The following OPLAH variants were observed in gnomAD, a reference collection of about 807,000 sequenced individuals.
The protein encoded by OPLAH is 5-oxoprolinase.
OPLAH carries 103 observed loss-of-function variants against 122.8 expected under a neutral mutation model. That is an observed-to-expected ratio of 0.84 (90% confidence interval 0.71 to 0.99). The LOEUF is 0.99. Ranked by LOEUF, OPLAH falls within the 50% of genes least tolerant of loss-of-function variation. OPLAH has a pLI of 0.00. For synonymous variants in OPLAH, 875 were observed against 796.0 expected (o/e 1.10, Z -1.67); for missense variants, 1,902 against 1,836.5 (o/e 1.04, Z -0.65).
Position 144,052,800 on chromosome 8 carries a change from C to T in OPLAH, c.3119G>A (p.Arg1040His), listed in dbSNP as rs868906528. ...VTLSALIYCL[R>H]CLVGRDIPLN... Reference sequence around the variant, plus strand: ...TGGGATGTCGCGGCCCACCAGACAGCGCAGGCAGTAGATGAGGGCGGACAG... The same window carrying T: ...TGGGATGTCGCGGCCCACCAGACAGTGCAGGCAGTAGATGAGGGCGGACAG... The change falls in exon 22 of 27, where the codon CGC becomes CAC. Residue 1040 changes from arginine to histidine, a missense_variant. Transcript: ENST00000618853. 2 of 1,563,422 alleles carry T rather than the reference C, an allele frequency of 1.3e-6. No individual in the cohort carries two copies. Among genetic ancestry groups the T allele is most frequent in the Non-Finnish European group, 1.7e-6 (2 of 1,154,990 alleles).
chr8:144,056,193 A>G lies in OPLAH; in HGVS notation c.2050T>C (p.Tyr684His). 1 of 1,612,100 alleles carries G rather than the reference A, an allele frequency of 6.2e-7. No homozygotes were observed. Among genetic ancestry groups the G allele is most frequent in the South Asian group, 1.1e-5 (1 of 91,080 alleles). ...CAGGGCCCATGGAGCTTGTGCCCAT[A>G]GCCCAGCTCTGCCAGCAGGTACACA... ...TPVYLLAELG[Y>H]GHKLHGPCLI... is the part of the protein sequence containing the mutation. The change falls in exon 15 of 27, where the codon TAT becomes CAT. Residue 684 changes from tyrosine (Y) to histidine (H), a missense_variant. Transcript: ENST00000618853.
chr8:144,060,173 G>A, intron 1 of OPLAH, 88 bp from the exon 2 acceptor site: 3 of 941,932 alleles, frequency 3.2e-6, no homozygotes, highest in Admixed American at 5.6e-5. Flanking sequence ...TCCTGAGGGA[G>A]AGACCCACGG....
chr8:144,063,365 C>T (rs1835693630), upstream of OPLAH, among the ~76,000 whole-genome samples: 1 of 152,236 alleles, frequency 6.6e-6, no homozygotes, highest in South Asian at 2.1e-4. This position sits in a 1 kb window ranked among gnomAD's most constrained non-coding sequence, Gnocchi z 4.2. Context: ...CATCACGTTC[C>T]CCCAGGGATA....
In OPLAH at chr8:144,058,598, G is replaced by T; in HGVS notation, c.681C>A (p.Arg227=). 1.2e-6 allele frequency: 2 copies of T among 1,603,292 alleles called. No individual in the cohort carries two copies. The highest frequency in any genetic ancestry group is 1.7e-6 in the Non-Finnish European group (2 of 1,179,434). ...SLSSEAMPMV[R]IVPRGHTACA... ...AGGCCGTGTGCCCCCGAGGGACGAT[G>T]CGCACCATGGGCATGGCCTCCGAGG... is the stretch of plus-strand genomic sequence containing the variant. The change falls in exon 6 of 27, where the codon CGC becomes CGA. Residue 227 remains arginine, a synonymous_variant. Transcript: ENST00000618853.
At position 144,057,521 on chromosome 8, in the gene OPLAH, A is replaced by C. The variant is rs1554759605; in HGVS notation, c.1349T>G (p.Leu450Arg). 1 of 1,599,492 alleles carries C rather than the reference A, an allele frequency of 6.3e-7. No individual in the cohort carries two copies. Among genetic ancestry groups the C allele is most frequent in the South Asian group, 1.1e-5 (1 of 89,142 alleles). Residue 450 changes from leucine to arginine, a missense_variant, in exon 10 of 27, where the codon CTG (leucine) becomes CGG (arginine). Physicochemically the swap from Leu to Arg is moderately radical, Grantham distance 102. This residue lies in a region of OPLAH where 1,726 missense variants were observed against 1,642.1 expected (regional missense o/e 1.05). Coordinates refer to ENST00000618853, the MANE Select transcript of OPLAH (RefSeq NM_017570.5). ...NGPCPASPLS[L>R]EEVAMGFVRV... ...CACGAACCCCATGGCCACCTCCTCC[A>C]GGCTCAGCGGGGAGGCCGGGCAGGG... is the stretch of plus-strand genomic sequence containing the variant.
intron 24 of OPLAH, 37 bp from the exon 25 acceptor site, chr8:144,052,113 GCC>G: frequency 6.4e-7 from 1 of 1,553,604 alleles, no homozygotes; most frequent in Non-Finnish European, 8.7e-7. Context: ...ACTCAGCGTG[GCC>G]CGAGCCCCGG....
chr8:144,055,081 G>A lies in OPLAH; in HGVS notation c.2357C>T (p.Ala786Val), dbSNP rs1554758667. The A allele has an allele frequency of 2.6e-6, 4 of 1,564,614 alleles. No homozygotes were observed. Among genetic ancestry groups the A allele is most frequent in the African/African-American group, 1.4e-5 (1 of 73,624 alleles). The change falls in exon 17 of 27, where the codon GCC (alanine) becomes GTC (valine). Residue 786 changes from alanine to valine, a missense_variant. Coordinates refer to ENST00000618853, the MANE Select transcript of OPLAH (RefSeq NM_017570.5). The surrounding 1 kb of genome is among the most constrained non-coding windows in gnomAD (Gnocchi z 6.5). ...ACCCAGGTGCACAGGGATGTGGGGGGCATTGGACACCAGCCCCCCATCGGG... is the reference window on the plus strand; with the variant it reads ...ACCCAGGTGCACAGGGATGTGGGGGACATTGGACACCAGCCCCCCATCGGG... Reference protein sequence around the residue: ...FGPDGGLVSNAPHIPVHLGAM... With the variant: ...FGPDGGLVSNVPHIPVHLGAM...
At chr8:144,054,760 G>C in intron 18 of OPLAH, 25 bp from the exon 19 acceptor site, 1 of 1,612,072 alleles carries the variant, frequency 6.2e-7, no homozygotes, top group Non-Finnish European at 8.5e-7. Context: ...GCCACGGTCA[G>C]CTGCATCGGC....
At chr8:144,060,741 A>G (rs1278808134), upstream of OPLAH, 1 of 151,958 alleles carries the variant, frequency 6.6e-6, no homozygotes. Context: ...CTCGGGGAGG[A>G]GCCTACAGGG....
Position 144,052,905 on chromosome 8 carries a change from G to C in OPLAH, c.3019-5C>G. 3 of 1,558,576 alleles carry C rather than the reference G, an allele frequency of 1.9e-6. No individual in the cohort carries two copies. Among genetic ancestry groups the C allele is most frequent in the South Asian group, 2.4e-5 (2 of 84,778 alleles). On this transcript the variant is annotated splice_region_variant and splice_polypyrimidine_tract_variant and intron_variant, in intron 21 of 26. Coordinates refer to ENST00000618853, the MANE Select transcript of OPLAH (RefSeq NM_017570.5). ...GAAGTCAAACACGGCGCTGCCCTGC[G>C]CGCCCCGAGGGAAGGGAGAGGCTGT...
At position 144,056,668 on chromosome 8, in the gene OPLAH, G is replaced by A; in HGVS notation, c.1794C>T (p.Ala598=). 6.2e-7 allele frequency: 1 copy of A among 1,611,902 alleles called. No individual in the cohort carries two copies. Residue 598 remains alanine (A), a synonymous_variant, in exon 13 of 27, where the codon GCC becomes GCT. Coordinates refer to ENST00000618853, the MANE Select transcript of OPLAH (RefSeq NM_017570.5). ...ALMVSAHQHP[A]TARSPRAGDF... The stretch of plus-strand genomic sequence containing the variant: ...CCCCCGCACGGGGCGAGCGGGCTGT[G>A]GCTGGGTGCTGGTGGGCAGACACCA...
chr8:144,055,996 G>C lies in OPLAH; in HGVS notation c.2097-57C>G. 1 of 1,500,784 alleles carries C rather than the reference G, an allele frequency of 6.7e-7. No individual in the cohort carries two copies. The highest frequency in any genetic ancestry group is 8.9e-7 in the Non-Finnish European group (1 of 1,120,474). 93.0% of individuals were successfully genotyped at this position (1,500,784 alleles called of 1,614,324 possible). A position where few individuals can be genotyped will look rare whatever the true frequency, so the allele number is the denominator to read the frequency against. On this transcript the variant is annotated intron_variant, in intron 15 of 26. Coordinates refer to ENST00000618853, the MANE Select transcript of OPLAH (RefSeq NM_017570.5). The surrounding 1 kb of genome is among the most constrained non-coding windows in gnomAD (Gnocchi z 6.5). ...GGGCCAGGCGACACCCCTCCAACCA[G>C]AGATGCCACGGCCCCAGGCCAGGGG...
At position 144,057,467 on chromosome 8, in the gene OPLAH, G is replaced by A. The variant is rs782688255; in HGVS notation, c.1403C>T (p.Pro468Leu). 1 of 1,589,932 alleles carries A rather than the reference G, an allele frequency of 6.3e-7. No individual in the cohort carries two copies. The highest frequency in any genetic ancestry group is 1.8e-5 in the Admixed American group (1 of 55,926). Residue 468 changes from proline (P) to leucine (L), a missense_variant, in exon 10 of 27, where the codon CCC becomes CTC. This residue lies in a region of OPLAH where 1,726 missense variants were observed against 1,642.1 expected (regional missense o/e 1.05). Coordinates refer to ENST00000618853, the MANE Select transcript of OPLAH (RefSeq NM_017570.5). ...VRVANEAMCR[P>L]IRALTQARGH... ...ACGTACCTGCGTGAGTGCACGGATG[G>A]GCCGGCACATGGCCTCGTTGGCCAC...
chr8:144,053,329 G>A lies in OPLAH; in HGVS notation c.2751C>T (p.His917=), dbSNP rs372985158. The A allele has an allele frequency of 7.4e-6, 12 of 1,612,882 alleles. 1 individual carries two copies. The Middle Eastern group carries it at 1.3e-3, about 177-fold the overall frequency. Residue 917 remains histidine (H), a synonymous_variant, in exon 20 of 27, where the codon CAC becomes CAT. Transcript: ENST00000618853. ...VPNCSGTRNL[H]DNLSDLRAQV... is the part of the protein sequence containing the mutation. ...GGGCACGGAGGTCCGACAGGTTGTC[G>A]TGCAGGTTTCTGGTTCCGCTGCAGT...
rs782705881 is a variant in OPLAH, at chr8:144,058,895, G to A, written c.465C>T (p.Gly155=). 1.9e-6 allele frequency: 3 copies of A among 1,549,150 alleles called. No individual in the cohort carries two copies. The highest frequency in any genetic ancestry group is 2.6e-6 in the Non-Finnish European group (3 of 1,145,810). The change falls in exon 5 of 27, where the codon GGC becomes GGT. Residue 155 remains glycine (G), a splice_region_variant and synonymous_variant. Transcript: ENST00000618853. The part of the protein sequence containing the change: ...GEAGTGTPVK[G]RTGDLLEVQQ... ...GCACTTCCAGCAGGTCCCCCGTGCGGCCTTCCAGAAAAGCCCAGGAGGCCC... is the reference window on the plus strand; with the variant it reads ...GCACTTCCAGCAGGTCCCCCGTGCGACCTTCCAGAAAAGCCCAGGAGGCCC...
upstream of OPLAH, among the ~76,000 whole-genome samples, chr8:144,063,529 G>T (rs1352431606): frequency 6.6e-6 from 1 of 152,220 alleles, no homozygotes; most frequent in Non-Finnish European, 1.5e-5. The surrounding 1 kb of genome is among the most constrained non-coding windows in gnomAD (Gnocchi z 4.2). Flanking sequence ...CAGCCTGGCA[G>T]CTCCCTCGCC....
Position 144,057,437 on chromosome 8 carries a change from G to A in OPLAH, c.1422+11C>T, listed in dbSNP as rs1044620651. ...GGGGCAGGACAGGCGGGAGAGCAGA[G>A]GTGGACGTACCTGCGTGAGTGCACG... On this transcript the variant is annotated intron_variant, in intron 10 of 26. Transcript: ENST00000618853. 6.3e-7 allele frequency: 1 copy of A among 1,583,536 alleles called. No individual in the cohort carries two copies. The highest frequency in any genetic ancestry group is 8.6e-7 in the Non-Finnish European group (1 of 1,165,026).
Position 144,058,580 on chromosome 8 carries a change from G to T in OPLAH, c.699C>A (p.His233Gln). The T allele has an allele frequency of 1.9e-6, 3 of 1,602,378 alleles. No individual in the cohort carries two copies. Among genetic ancestry groups the T allele is most frequent in the Non-Finnish European group, 2.5e-6 (3 of 1,179,304 alleles). ...MPMVRIVPRGHTACADAYLTP... is the reference protein window; with the variant it reads ...MPMVRIVPRGQTACADAYLTP... ...TGAGGTAGGCGTCGGCACAGGCCGT[G>T]TGCCCCCGAGGGACGATGCGCACCA... The change falls in exon 6 of 27, where the codon CAC (histidine) becomes CAA (glutamine). Residue 233 changes from histidine to glutamine, a missense_variant. Around this residue, in one of 3 missense-constraint regions of OPLAH, gnomAD observed 1,726 missense variants for 1,642.1 expected, o/e 1.05. Coordinates refer to ENST00000618853, the MANE Select transcript of OPLAH (RefSeq NM_017570.5).
At chr8:144,060,224 G>C (rs1835635416) in intron 1 of OPLAH, 139 bp from the exon 2 acceptor site, 1 of 665,170 alleles carries the variant, frequency 1.5e-6, no homozygotes, top group African/African-American at 1.8e-5. Context: ...GCCCAGCTCC[G>C]AGGGCAGCCT....
Sources: gnomAD v4.1 joint callset for allele counts (sites outside exome capture counted in the v4.1 genomes callset) on GRCh38, gnomAD v4.1.1 for gene constraint, gnomAD v4.1.1 regional missense constraint, Gnocchi (gnomAD v3.1) non-coding constraint, MANE v1.5 for transcripts, NCBI Gene and HGNC (gene_info 2026-07-23, HGNC 2026-07-21) for gene names.